Variants in CNTLN observed in about 807,000 individuals in gnomAD.
CNTLN encodes the protein centlein, centrosomal protein.
A neutral mutation model predicts 180.0 loss-of-function variants in CNTLN; 212 were observed. That is an observed-to-expected ratio of 1.18 (90% CI 1.05 to 1.32). CNTLN has a LOEUF of 1.32. CNTLN is among the 40% of genes most tolerant of loss of function. The pLI is 0.00. For missense variants in CNTLN, 2,095 were observed against 1,610.9 expected, an observed-to-expected ratio of 1.30 and a Z score of -5.14; for synonymous variants, 722 against 563.1, an observed-to-expected ratio of 1.28 and a Z score of -3.99.
At chr9:17,524,484 G>A in the CNTLN span, among the ~76,000 whole-genome samples, 2 of 152,168 alleles carry the variant, frequency 1.3e-5, no homozygotes, top group South Asian at 4.1e-4. Flanking sequence ...GCTTTATTCA[G>A]TCTACCTTTT....
At position 17,473,332 on chromosome 9, in the gene CNTLN, C is replaced by T. The variant is rs116229934; in HGVS notation, c.3855+6441C>T. On this transcript the variant is annotated intron_variant, in intron 23 of 25. Coordinates refer to ENST00000380647, the MANE Select transcript of CNTLN (RefSeq NM_017738.4). ...CTTTCACTGAGAAAACAGAAGCAAC[C>T]CAGAGATAATTTCCTCCTTTTTTTC... Among the ~76,000 whole-genome samples the T allele has an allele frequency of 5.0e-3, 763 of 152,226 alleles. 7 individuals carry two copies. The highest frequency in any genetic ancestry group is 0.018 in the African/African-American group (733 of 41,528).
At chr9:17,412,006 A>G (rs570932270) in intron 16 of CNTLN, among the ~76,000 whole-genome samples, 2 of 151,886 alleles carry the variant, frequency 1.3e-5, no homozygotes, top group African/African-American at 4.8e-5. Context: ...TACTACTTAT[A>G]CCTAACAAGC....
intron 18 of CNTLN, among the ~76,000 whole-genome samples, chr9:17,430,540 C>CTTTG (rs1829356050): frequency 6.6e-6 from 1 of 151,870 alleles, no homozygotes; most frequent in African/African-American, 2.4e-5. Flanking sequence ...AAATTTATTT[C>CTTTG]TTTGTGTTGA....
chr9:17,507,164 C>T (rs1833947377), downstream of CNTLN, among the ~76,000 whole-genome samples: 1 of 152,090 alleles, frequency 6.6e-6, no homozygotes, highest in Admixed American at 6.6e-5. Flanking sequence ...TTTGGAATCC[C>T]CAGTGCTTAT....
At chr9:17,374,087 C>T (rs951406775) in intron 13 of CNTLN, among the ~76,000 whole-genome samples, 2 of 152,128 alleles carry the variant, frequency 1.3e-5, no homozygotes, top group African/African-American at 4.8e-5. Flanking sequence ...CCTACAAGCA[C>T]AGGCAACCAA....
intron 12 of CNTLN, among the ~76,000 whole-genome samples, chr9:17,352,408 ATATATATAT>A (rs1314781281): frequency 1.3e-3 from 58 of 45,310 alleles, no homozygotes; most frequent in Admixed American, 9.7e-3. Flanking sequence ...ATATATATAT[ATATATATAT>A]TTTTTTTTTT....
At chr9:17,276,341 G>T (rs1828310027) in intron 6 of CNTLN, among the ~76,000 whole-genome samples, 2 of 152,012 alleles carry the variant, frequency 1.3e-5, no homozygotes, top group African/African-American at 4.8e-5. Context: ...CACTGGGAGA[G>T]GGTGGTTATG....
intron 2 of CNTLN, among the ~76,000 whole-genome samples, chr9:17,209,346 C>A (rs1488775748): frequency 6.6e-6 from 1 of 152,086 alleles, no homozygotes; most frequent in African/African-American, 2.4e-5. Context: ...ATGGTCTATT[C>A]TTGATAATGA....
intron 12 of CNTLN, among the ~76,000 whole-genome samples, 181 bp downstream of exon 12, chr9:17,342,625 T>C (rs1431629784): frequency 6.6e-6 from 1 of 152,226 alleles, no homozygotes; most frequent in East Asian, 1.9e-4. Flanking sequence ...AATAACAAGT[T>C]GCACAGTTGC....
rs553495698 is a variant in CNTLN at position 17,442,295 on chromosome 9, A to C, written c.3115-15229A>C. Among the ~76,000 whole-genome samples the C allele has an allele frequency of 5.9e-5, 9 of 152,342 alleles. 1 individual carries two copies. The highest frequency in any genetic ancestry group is 2.2e-4 in the African/African-American group (9 of 41,578). On this transcript the variant is annotated intron_variant, in intron 18 of 25. Transcript: ENST00000380647. ...CCAAAAACATACCTTAAATTTAAGA[A>C]GGTTGAAATAATACAAGGTATCTTT...
At chr9:17,501,176 G>A (rs1564157010) in intron 25 of CNTLN, among the ~76,000 whole-genome samples, 1 of 152,148 alleles carries the variant, frequency 6.6e-6, no homozygotes. Flanking sequence ...CTGAAGAAAT[G>A]TGCTCTTTTG....
intron 6 of CNTLN, among the ~76,000 whole-genome samples, chr9:17,291,020 T>A (rs1188316860): frequency 1.3e-5 from 2 of 152,154 alleles, no homozygotes; most frequent in Non-Finnish European, 2.9e-5. Context: ...TATTCGGCCA[T>A]CTTGGCTCCT....
chr9:17,223,391 A>G (rs1474448974), intron 2 of CNTLN, among the ~76,000 whole-genome samples: 1 of 151,586 alleles, frequency 6.6e-6, no homozygotes, highest in Non-Finnish European at 1.5e-5. Flanking sequence ...TCAACTGCCT[A>G]CTCCTCTTGG....
the CNTLN span, among the ~76,000 whole-genome samples, chr9:17,511,472 G>A: frequency 6.6e-6 from 1 of 152,156 alleles, no homozygotes; most frequent in African/African-American, 2.4e-5. Flanking sequence ...TGACTCAGAA[G>A]GATTCACTTC....
chr9:17,367,801 C>T (rs191265319), intron 13 of CNTLN, among the ~76,000 whole-genome samples: 1 of 152,060 alleles, frequency 6.6e-6, no homozygotes, highest in South Asian at 2.1e-4. Flanking sequence ...GGATCTATCA[C>T]CTACTGACTG....
At chr9:17,409,711 C>CA (rs3840726) in intron 16 of CNTLN, among the ~76,000 whole-genome samples, 38,808 of 151,690 alleles carry the variant, frequency 0.26, 5,134 homozygotes, top group South Asian at 0.37. Context: ...TATATCTCAG[C>CA]AAAAAAGTGG....
intron 5 of CNTLN, among the ~76,000 whole-genome samples, chr9:17,265,403 G>A (rs1376687296): frequency 2.0e-5 from 3 of 152,124 alleles, no homozygotes; most frequent in African/African-American, 7.2e-5. Context: ...ACTTGATCAT[G>A]GTGGATAAGC....
intron 23 of CNTLN, among the ~76,000 whole-genome samples, chr9:17,472,194 G>C (rs891635992): frequency 5.9e-5 from 9 of 151,974 alleles, no homozygotes; most frequent in Non-Finnish European, 1.3e-4. Context: ...CTTCATTTAG[G>C]TACCTCTTTA....
intron 5 of CNTLN, among the ~76,000 whole-genome samples, 159 bp from the exon 6 acceptor site, chr9:17,273,574 G>T (rs1007358689): frequency 1.3e-5 from 2 of 151,888 alleles, no homozygotes; most frequent in African/African-American, 4.8e-5. Context: ...ATCTGTGACT[G>T]GTATAAAAGT....
Sources: gnomAD v4.1 joint callset for allele counts (sites outside exome capture counted in the v4.1 genomes callset) on GRCh38, gnomAD v4.1.1 for gene constraint, MANE v1.5 for transcripts, NCBI Gene and HGNC (gene_info 2026-07-23, HGNC 2026-07-21) for gene names.